Variants in MIPOL1 observed in about 807,000 individuals in gnomAD.
MIPOL1 encodes mirror-image polydactyly gene 1 protein.
Under a neutral mutation model 60.9 loss-of-function variants are expected in MIPOL1, and 57 were observed. The ratio of observed to expected loss-of-function variants is 0.94; its 90% confidence interval spans 0.76 to 1.17. MIPOL1 has a LOEUF of 1.17. Among genes scored for constraint, MIPOL1 ranks in the 50% most tolerant of loss-of-function variants. MIPOL1 has a pLI of 0.00. For synonymous variants in MIPOL1, 179 were observed against 168.8 expected, an observed-to-expected ratio of 1.06 and a Z score of -0.47; for missense variants, 551 against 511.6, an observed-to-expected ratio of 1.08 and a Z score of -0.74.
At chr14:37,460,919 T>A (rs2094531908) in intron 11 of MIPOL1, among the ~76,000 whole-genome samples, 1 of 152,188 alleles carries the variant, frequency 6.6e-6, no homozygotes, top group Admixed American at 6.6e-5. Flanking sequence ...ATTAAAATGA[T>A]CATATTCCCC....
At chr14:37,270,627 G>A (rs925791352) in intron 6 of MIPOL1, 102 bp downstream of exon 6, 2 of 491,838 alleles carry the variant, frequency 4.1e-6, no homozygotes, top group Non-Finnish European at 6.5e-6. Context: ...TTTGCCAAAG[G>A]AGGGGAAGCT....
chr14:37,270,620 GC>G, intron 6 of MIPOL1, 95 bp downstream of exon 6: 1 of 461,100 alleles, frequency 2.2e-6, no homozygotes, highest in Non-Finnish European at 3.5e-6. Flanking sequence ...TGGCTTATTT[GC>G]CAAAGGAGGG....
rs568806253 is a variant in MIPOL1 at position 37,296,351 on chromosome 14, A to C, written c.623+10904A>C. ...GCACTAAATGCCCACAAGAGAAAGC[A>C]GGAAAGATCTAAAATTGACACCCTA... On this transcript the variant is annotated intron_variant, in intron 7 of 12. Transcript: ENST00000684589. 2.3e-3 allele frequency among the ~76,000 whole-genome samples: 347 copies of C among 152,338 alleles called. 2 individuals are homozygous for C. The highest frequency in any genetic ancestry group is 7.8e-3 in the African/African-American group (325 of 41,584).
intron 9 of MIPOL1, among the ~76,000 whole-genome samples, chr14:37,339,803 A>G (rs1285904033): frequency 6.6e-6 from 1 of 152,172 alleles, no homozygotes; most frequent in Non-Finnish European, 1.5e-5. Flanking sequence ...CCATGCTATT[A>G]CAAATCAGAA....
At chr14:37,279,420 T>G (rs867598867) in intron 6 of MIPOL1, among the ~76,000 whole-genome samples, 4 of 151,814 alleles carry the variant, frequency 2.6e-5, no homozygotes, top group Admixed American at 1.3e-4. Flanking sequence ...TTTGTTATAG[T>G]CATCTACCTT....
chr14:37,292,195 G>C (rs529572936), intron 7 of MIPOL1, among the ~76,000 whole-genome samples: 1 of 151,976 alleles, frequency 6.6e-6, no homozygotes, highest in Non-Finnish European at 1.5e-5. Flanking sequence ...AAAGTGCTGG[G>C]ATTACAGGTG....
In MIPOL1 at chr14:37,258,074, A is replaced by C. The variant is rs1398507618; in HGVS notation, c.20-8864A>C. Reference sequence around the variant, plus strand: ...GTGATCAAGACTTACCTATACTTCAAAGTTTCAAAAGACCAAACACAATCA... The same window carrying C: ...GTGATCAAGACTTACCTATACTTCACAGTTTCAAAAGACCAAACACAATCA... On this transcript the variant is annotated intron_variant, in intron 3 of 12. Transcript: ENST00000684589. Among the ~76,000 whole-genome samples, 11 of 152,124 alleles carry C rather than the reference A, an allele frequency of 7.2e-5. 1 individual carries two copies. Among genetic ancestry groups the C allele is most frequent in the Admixed American group, 6.6e-4 (10 of 15,242 alleles).
intron 9 of MIPOL1, among the ~76,000 whole-genome samples, chr14:37,361,666 C>T (rs1428474062): frequency 1.8e-5 from 2 of 110,320 alleles, no homozygotes; most frequent in Non-Finnish European, 3.3e-5. Flanking sequence ...AGGGCAGTGG[C>T]TCGATTTCGG....
intron 10 of MIPOL1, chr14:37,370,068 A>G (rs1189934240): frequency 6.6e-6 from 1 of 152,226 alleles, no homozygotes; most frequent in Non-Finnish European, 1.5e-5. Flanking sequence ...GTGTTTGAAG[A>G]GCGTGTTTGG....
chr14:37,429,609 C>T (rs1417246096), intron 11 of MIPOL1, among the ~76,000 whole-genome samples: 2 of 152,058 alleles, frequency 1.3e-5, no homozygotes, highest in Non-Finnish European at 2.9e-5. Context: ...ATTAACCCTA[C>T]TTACTGGGTT....
intron 7 of MIPOL1, among the ~76,000 whole-genome samples, chr14:37,303,429 A>G (rs1405455210): frequency 6.6e-6 from 1 of 151,854 alleles, no homozygotes; most frequent in Non-Finnish European, 1.5e-5. Context: ...CTTCCTCAGA[A>G]CTTCGATTAA....
chr14:37,365,594 G>C (rs570396731), intron 9 of MIPOL1, among the ~76,000 whole-genome samples: 1 of 151,880 alleles, frequency 6.6e-6, no homozygotes, highest in Non-Finnish European at 1.5e-5. Context: ...TTAACGTATT[G>C]TTGACCACGT....
At chr14:37,473,668 C>T (rs1016362357) in intron 11 of MIPOL1, among the ~76,000 whole-genome samples, 2 of 152,120 alleles carry the variant, frequency 1.3e-5, no homozygotes, top group African/African-American at 4.8e-5. Flanking sequence ...CACAGTTTCC[C>T]CTTTTATTAA....
intron 6 of MIPOL1, chr14:37,276,282 T>C (rs948722284): frequency 6.6e-6 from 1 of 151,024 alleles, no homozygotes; most frequent in Non-Finnish European, 1.5e-5. Context: ...AAAAAATATG[T>C]TGTCAATATA....
At chr14:37,511,022 A>G (rs2095323920) in intron 12 of MIPOL1, among the ~76,000 whole-genome samples, 1 of 152,146 alleles carries the variant, frequency 6.6e-6, no homozygotes, top group Non-Finnish European at 1.5e-5. Flanking sequence ...AATCTTTGGT[A>G]ATAGTAGAGA....
intron 12 of MIPOL1, among the ~76,000 whole-genome samples, chr14:37,537,161 G>A (rs1196668400): frequency 2.0e-5 from 3 of 152,106 alleles, no homozygotes; most frequent in Admixed American, 6.5e-5. Context: ...GATGAAGTAG[G>A]TAGTAAGAGG....
At chr14:37,283,436 TG>T (rs2084293708) in intron 6 of MIPOL1, among the ~76,000 whole-genome samples, 1 of 152,168 alleles carries the variant, frequency 6.6e-6, no homozygotes, top group Non-Finnish European at 1.5e-5. Flanking sequence ...AATATAATTG[TG>T]GTATGCAGCA....
chr14:37,270,531 G>A lies in MIPOL1; in HGVS notation c.493+6G>A. Reference sequence around the variant, plus strand: ...AATTGCTGAAAAGACAGCAGGTATAGTAGAGGAGTATTAACACATGGCTTG... The same window carrying A: ...AATTGCTGAAAAGACAGCAGGTATAATAGAGGAGTATTAACACATGGCTTG... On this transcript the variant is annotated splice_donor_region_variant and intron_variant, in intron 6 of 12. Coordinates refer to ENST00000684589, the MANE Select transcript of MIPOL1 (RefSeq NM_001388067.1). The A allele has an allele frequency of 6.7e-7, 1 of 1,501,950 alleles. No homozygotes were observed. The highest frequency in any genetic ancestry group is 1.2e-5 in the South Asian group (1 of 83,518). The allele number at this position is 1,501,950 out of a possible 1,614,324, so 93.0% of individuals were successfully genotyped here.
chr14:37,534,361 C>G (rs1308357142), intron 12 of MIPOL1, among the ~76,000 whole-genome samples: 1 of 152,172 alleles, frequency 6.6e-6, no homozygotes, highest in Non-Finnish European at 1.5e-5. Context: ...AAAATATATA[C>G]TACAAATCTT....
Sources: gnomAD v4.1 joint callset for allele counts (sites outside exome capture counted in the v4.1 genomes callset) on GRCh38, gnomAD v4.1.1 for gene constraint, MANE v1.5 for transcripts, NCBI Gene and HGNC (gene_info 2026-07-23, HGNC 2026-07-21) for gene names.